Variants in DLG2 observed in about 807,000 individuals in gnomAD.
DLG2 encodes the protein discs large MAGUK scaffold protein 2.
DLG2 carries 45 observed loss-of-function variants against 132.5 expected under a neutral mutation model. That is an observed-to-expected ratio of 0.34 (90% CI 0.27 to 0.44). The LOEUF (loss-of-function observed/expected upper bound fraction) is 0.44. Among genes scored for constraint, DLG2 ranks in the 20% least tolerant of loss-of-function variants. The pLI is 1.00. For missense variants in DLG2, 1,045 were observed against 1,196.9 expected (o/e 0.87, Z 1.87); for synonymous variants, 424 against 419.6 (o/e 1.01, Z -0.13).
chr11:84,922,987 C>T (rs1358886070), intron 6 of DLG2: 2 of 1,533,688 alleles, frequency 1.3e-6, no homozygotes, highest in Admixed American at 1.7e-5. Flanking sequence ...GCCAGCAATC[C>T]GAAAAGTCCT....
intron 7 of DLG2, among the ~76,000 whole-genome samples, chr11:84,370,427 GTT>G (rs1490019752): frequency 6.6e-6 from 1 of 152,164 alleles, no homozygotes; most frequent in African/African-American, 2.4e-5. Flanking sequence ...ATAGTAGGAA[GTT>G]TGGGGTCAGA....
intron 8 of DLG2, among the ~76,000 whole-genome samples, chr11:84,187,068 T>C (rs1490308734): frequency 6.6e-6 from 1 of 151,150 alleles, no homozygotes; most frequent in Non-Finnish European, 1.5e-5. Flanking sequence ...TTTGCCAAAA[T>C]TCCCAGGCAT....
chr11:83,873,498 C>T (rs1353013759), intron 16 of DLG2, among the ~76,000 whole-genome samples: 3 of 152,150 alleles, frequency 2.0e-5, no homozygotes, highest in African/African-American at 7.2e-5. Context: ...CTCTCATTCT[C>T]TTTCTTGCTG....
At chr11:85,585,701 T>C (rs1454822545) in intron 3 of DLG2, among the ~76,000 whole-genome samples, 1 of 151,812 alleles carries the variant, frequency 6.6e-6, no homozygotes, top group African/African-American at 2.4e-5. Context: ...ATTCTGTTTA[T>C]GTGATATATC....
At chr11:84,260,441 A>G (rs1446914477) in intron 7 of DLG2, among the ~76,000 whole-genome samples, 2 of 152,164 alleles carry the variant, frequency 1.3e-5, no homozygotes, top group Admixed American at 6.5e-5. Flanking sequence ...TAAATTACTC[A>G]CTAAAACTAC....
intron 21 of DLG2, among the ~76,000 whole-genome samples, chr11:83,505,388 C>T (rs2094642207): frequency 6.6e-6 from 1 of 152,174 alleles, no homozygotes; most frequent in African/African-American, 2.4e-5. Flanking sequence ...CCACCATGGC[C>T]ACGTTGTTCA....
chr11:83,503,406 T>TAG (rs1592003020), intron 21 of DLG2, among the ~76,000 whole-genome samples: 1 of 36,348 alleles, frequency 2.8e-5, no homozygotes. Flanking sequence ...TATATATATA[T>TAG]ATATATATAT....
At chr11:83,772,554 AAG>A (rs200118740) in intron 18 of DLG2, among the ~76,000 whole-genome samples, 2,188 of 151,530 alleles carry the variant, frequency 0.014, 59 homozygotes, top group African/African-American at 0.05. Context: ...AAAAGAAAGA[AAG>A]AGAAAGAAAG....
chr11:85,074,886 G>T (rs2066322155), intron 6 of DLG2, among the ~76,000 whole-genome samples: 1 of 151,856 alleles, frequency 6.6e-6, no homozygotes, highest in South Asian at 2.1e-4. Context: ...AGTAAATCTA[G>T]AGAGAGATGC....
At chr11:85,482,678 A>G (rs2093326392) in intron 3 of DLG2, among the ~76,000 whole-genome samples, 1 of 152,120 alleles carries the variant, frequency 6.6e-6, no homozygotes, top group Non-Finnish European at 1.5e-5. Context: ...GTATCAGGCA[A>G]GTACTTGTGA....
chr11:84,121,886 T>C (rs1267119234), intron 9 of DLG2, among the ~76,000 whole-genome samples: 1 of 151,908 alleles, frequency 6.6e-6, no homozygotes. Context: ...TTAAAGATAA[T>C]ATGTATAATT....
rs540569906 is a variant in DLG2 at position 84,134,100 on chromosome 11, C to G, written c.624+29361G>C. On this transcript the variant is annotated intron_variant, in intron 9 of 27. Transcript: ENST00000376104. ...CGGTTAGATGCTGGGAATTCAGCTA[C>G]AAAAGATACTACCCTCAAGGAGCTC... Among the ~76,000 whole-genome samples the G allele has an allele frequency of 4.6e-5, 7 of 152,082 alleles. No individual in the cohort carries two copies. In the South Asian group the frequency reaches 1.5e-3, roughly 32 times the overall value.
intron 6 of DLG2, among the ~76,000 whole-genome samples, chr11:84,535,564 A>G (rs937880247): frequency 1.3e-5 from 2 of 152,102 alleles, no homozygotes; most frequent in Admixed American, 6.5e-5. Context: ...AGAAAAAAAA[A>G]GGTTCAGGGT....
Position 83,874,591 on chromosome 11 carries a change from G to C in DLG2, c.1497-103C>G, listed in dbSNP as rs574709629. On this transcript the variant is annotated intron_variant, in intron 15 of 27. Coordinates refer to ENST00000376104, the MANE Select transcript of DLG2 (RefSeq NM_001142699.3). ...TAGGGTACATGTGCACAACGTGCAG[G>C]TTAGTTACATATGTATACATGTGCC... The C allele has an allele frequency of 6.0e-4, 486 of 811,866 alleles. 2 individuals carry two copies. The African/African-American group carries it at 7.9e-3, about 13-fold the overall frequency. The allele number at this position is 811,866 out of a possible 1,614,324, so 50.3% of individuals were successfully genotyped here. A position where few individuals can be genotyped will look rare whatever the true frequency, so the allele number is the denominator to read the frequency against.
chr11:83,529,515 G>T (rs2095686749), intron 21 of DLG2, among the ~76,000 whole-genome samples: 1 of 151,916 alleles, frequency 6.6e-6, no homozygotes, highest in African/African-American at 2.4e-5. Context: ...ATTGAATCCA[G>T]TAACTGCAAA....
chr11:84,824,542 A>T (rs1267586851), intron 6 of DLG2, among the ~76,000 whole-genome samples: 3 of 152,012 alleles, frequency 2.0e-5, no homozygotes, highest in East Asian at 3.9e-4. Context: ...ATTCATGAAA[A>T]TCAGAAGAAA....
intron 19 of DLG2, among the ~76,000 whole-genome samples, chr11:83,620,781 A>C (rs1463884696): frequency 1.4e-5 from 2 of 143,398 alleles, no homozygotes; most frequent in East Asian, 4.3e-4. Flanking sequence ...GAGGCAGGAG[A>C]ATGGCGTGAA....
chr11:85,375,721 G>A (rs1029729925), intron 3 of DLG2, among the ~76,000 whole-genome samples: 3 of 152,178 alleles, frequency 2.0e-5, no homozygotes, highest in Non-Finnish European at 4.4e-5. Context: ...AATTTGAACA[G>A]TAATAAGGAC....
intron 7 of DLG2, among the ~76,000 whole-genome samples, chr11:84,481,537 A>G (rs1009630675): frequency 6.6e-6 from 1 of 152,204 alleles, no homozygotes; most frequent in African/African-American, 2.4e-5. Flanking sequence ...CATACGTAGT[A>G]TCACACATAT....
Sources: allele counts gnomAD v4.1 joint callset (sites outside exome capture counted in the v4.1 genomes callset), GRCh38; gene constraint gnomAD v4.1.1; transcripts MANE v1.5; gene names NCBI Gene and HGNC (gene_info 2026-07-23, HGNC 2026-07-21).